The following SMURF1 variants were observed in gnomAD, a reference collection of about 807,000 sequenced individuals.
SMURF1 encodes the protein SMAD specific E3 ubiquitin protein ligase 1.
A neutral mutation model predicts 98.0 loss-of-function variants in SMURF1; 44 were observed. That is an observed-to-expected ratio of 0.45 (90% CI 0.35 to 0.58). SMURF1 has a LOEUF of 0.58. SMURF1 is among the 20% of genes least tolerant of loss of function. The probability of loss-of-function intolerance (pLI) is 0.00; values close to 1 mark genes in which losing one functional copy is unlikely to be tolerated. For synonymous variants in SMURF1, 396 were observed against 374.9 expected (o/e 1.06, Z -0.65); for missense variants, 687 against 938.4 (o/e 0.73, Z 3.50).
intron 1 of SMURF1, among the ~76,000 whole-genome samples, chr7:99,093,111 G>A (rs1462690711): frequency 6.6e-6 from 1 of 152,148 alleles, no homozygotes; most frequent in African/African-American, 2.4e-5. Context: ...CGCAGAGGGA[G>A]GAAATGTAGC....
intron 1 of SMURF1, among the ~76,000 whole-genome samples, chr7:99,083,114 TA>T (rs1443004804): frequency 6.6e-6 from 1 of 152,004 alleles, no homozygotes; most frequent in East Asian, 1.9e-4. Flanking sequence ...CTTTTGGGAG[TA>T]AAGAAAATGT....
At chr7:99,068,672 A>C (rs576343913) in intron 1 of SMURF1, among the ~76,000 whole-genome samples, 1 of 152,130 alleles carries the variant, frequency 6.6e-6, no homozygotes, top group East Asian at 1.9e-4. Context: ...ACAACAACAA[A>C]AATCTCTAAT....
chr7:99,058,283 C>T (rs1584466481), intron 3 of SMURF1, among the ~76,000 whole-genome samples: 1 of 152,068 alleles, frequency 6.6e-6, no homozygotes, highest in South Asian at 2.1e-4. Flanking sequence ...GCACCTGCCA[C>T]CACACCTGGC....
chr7:99,030,704 G>A, intron 17 of SMURF1, 21 bp from the exon 18 acceptor site: 1 of 1,607,820 alleles, frequency 6.2e-7, no homozygotes, highest in Non-Finnish European at 8.5e-7. Flanking sequence ...ACAAAAGAGA[G>A]TCACCGTGTG....
chr7:99,121,951 G>A (rs1273266204), intron 1 of SMURF1, among the ~76,000 whole-genome samples: 1 of 152,192 alleles, frequency 6.6e-6, no homozygotes, highest in African/African-American at 2.4e-5. Flanking sequence ...CACCTTCACT[G>A]CGCCATCTTG....
chr7:99,078,307 G>A (rs569527032), intron 1 of SMURF1, among the ~76,000 whole-genome samples: 11 of 149,866 alleles, frequency 7.3e-5, no homozygotes, highest in Admixed American at 2.0e-4. Context: ...AAGTGGCACC[G>A]AATTGAGAGC....
At chr7:99,107,805 C>T (rs1172468548) in intron 1 of SMURF1, among the ~76,000 whole-genome samples, 3 of 152,174 alleles carry the variant, frequency 2.0e-5, no homozygotes, top group African/African-American at 4.8e-5. Flanking sequence ...CAACCTCACA[C>T]GTGATCGATC....
chr7:99,062,848 C>CA (rs1250536367), intron 1 of SMURF1, among the ~76,000 whole-genome samples: 1 of 150,216 alleles, frequency 6.7e-6, no homozygotes, highest in Non-Finnish European at 1.5e-5. Context: ...ACTCTGTCTC[C>CA]AAAAAAAAGA....
At position 99,067,681 on chromosome 7, in the gene SMURF1, G is replaced by A. The variant is rs550466618; in HGVS notation, c.56-5844C>T. 7.2e-5 allele frequency among the ~76,000 whole-genome samples: 11 copies of A among 152,356 alleles called. No homozygotes were observed. The South Asian group carries it at 1.2e-3, about 17-fold the overall frequency. Reference sequence around the variant, plus strand: ...AAAATAGTACTTGAGGTCGGGCGCAGTGGCTCACGCCTGTAATCCCAGCAC... The same window carrying A: ...AAAATAGTACTTGAGGTCGGGCGCAATGGCTCACGCCTGTAATCCCAGCAC... On this transcript the variant is annotated intron_variant, in intron 1 of 17. Coordinates refer to ENST00000361368, the MANE Select transcript of SMURF1 (RefSeq NM_181349.3).
intron 1 of SMURF1, among the ~76,000 whole-genome samples, chr7:99,136,421 C>T (rs1797994014): frequency 6.6e-6 from 1 of 152,094 alleles, no homozygotes; most frequent in South Asian, 2.1e-4. Context: ...TTGATTTTAT[C>T]CTATTTTTTG....
chr7:99,105,897 A>G (rs572874597), intron 1 of SMURF1, among the ~76,000 whole-genome samples: 21 of 152,300 alleles, frequency 1.4e-4, no homozygotes, highest in African/African-American at 5.1e-4. Flanking sequence ...GCCAAGTGCT[A>G]TTCTACTTCC....
intron 6 of SMURF1, among the ~76,000 whole-genome samples, chr7:99,052,829 C>T (rs1235041385): frequency 4.6e-5 from 7 of 152,256 alleles, no homozygotes; most frequent in Admixed American, 1.3e-4. Flanking sequence ...TTTGGGACGC[C>T]GAAGTGGGCA....
intron 1 of SMURF1, among the ~76,000 whole-genome samples, chr7:99,106,740 T>C (rs1189416704): frequency 1.3e-5 from 2 of 152,164 alleles, no homozygotes; most frequent in Non-Finnish European, 2.9e-5. Context: ...AGCGAGACCT[T>C]GTCTCTTGAA....
chr7:99,126,830 T>A (rs1797756668), intron 1 of SMURF1, among the ~76,000 whole-genome samples: 1 of 152,234 alleles, frequency 6.6e-6, no homozygotes, highest in Non-Finnish European at 1.5e-5. Context: ...ACTGGGTTCA[T>A]TCAAAGTGTT....
chr7:99,131,679 T>C (rs1294688535), intron 1 of SMURF1, among the ~76,000 whole-genome samples: 1 of 152,114 alleles, frequency 6.6e-6, no homozygotes, highest in Non-Finnish European at 1.5e-5. Context: ...ACTGTGCCAT[T>C]GTACTCCAGC....
chr7:99,083,927 A>G (rs1796623947), intron 1 of SMURF1, among the ~76,000 whole-genome samples: 1 of 152,260 alleles, frequency 6.6e-6, no homozygotes, highest in Non-Finnish European at 1.5e-5. Flanking sequence ...TGCACAGCAC[A>G]TAGTAGGCAC....
intron 3 of SMURF1, among the ~76,000 whole-genome samples, chr7:99,058,089 A>G (rs1045380726): frequency 2.0e-5 from 3 of 152,138 alleles, no homozygotes; most frequent in Admixed American, 1.3e-4. Context: ...ACACGATGAT[A>G]ATAATCTTAT....
chr7:99,059,967 T>A (rs971854072), intron 3 of SMURF1, among the ~76,000 whole-genome samples: 2 of 151,912 alleles, frequency 1.3e-5, no homozygotes, highest in Non-Finnish European at 2.9e-5. Flanking sequence ...AGGGTTTTGC[T>A]GAAAAACAGT....
At chr7:99,068,940 C>T (rs1796259798) in intron 1 of SMURF1, among the ~76,000 whole-genome samples, 1 of 152,134 alleles carries the variant, frequency 6.6e-6, no homozygotes, top group Admixed American at 6.5e-5. Context: ...CCAGTGTTTC[C>T]CAAACGTCAG....
Sources: gnomAD v4.1 joint callset for allele counts (sites outside exome capture counted in the v4.1 genomes callset) on GRCh38, gnomAD v4.1.1 for gene constraint, MANE v1.5 for transcripts, NCBI Gene and HGNC (gene_info 2026-07-23, HGNC 2026-07-21) for gene names.